Variants in SLC15A5 observed in about 807,000 individuals in gnomAD.
SLC15A5 encodes the protein solute carrier family 15 member 5, also known as Peptide/histidine transporter ENSP00000340402.
Under a neutral mutation model 56.1 loss-of-function variants are expected in SLC15A5, and 58 were observed. The ratio of observed to expected loss-of-function variants is 1.03; its 90% CI spans 0.84 to 1.29. The LOEUF (loss-of-function observed/expected upper bound fraction) is 1.29, where lower values mean the gene tolerates loss of function less well. SLC15A5 is among the 50% of genes most tolerant of loss of function. SLC15A5 has a pLI of 0.00. For synonymous variants in SLC15A5, 264 were observed against 250.5 expected, an observed-to-expected ratio of 1.05 and a Z score of -0.51; for missense variants, 681 against 672.1, an observed-to-expected ratio of 1.01 and a Z score of -0.15.
At chr12:16,232,957 G>A (rs1437585859) in intron 5 of SLC15A5, among the ~76,000 whole-genome samples, 1 of 135,200 alleles carries the variant, frequency 7.4e-6, no homozygotes, top group Admixed American at 7.5e-5. Flanking sequence ...AAGAAAGAAA[G>A]AAGGAAAGAA....
intron 1 of SLC15A5, among the ~76,000 whole-genome samples, chr12:16,276,751 A>C (rs1249203752): frequency 1.3e-5 from 2 of 152,016 alleles, no homozygotes; most frequent in Non-Finnish European, 2.9e-5. Flanking sequence ...AAACTTTTGC[A>C]GATATATATT....
intron 2 of SLC15A5, among the ~76,000 whole-genome samples, chr12:16,270,879 A>G (rs754512319): frequency 6.6e-6 from 1 of 152,174 alleles, no homozygotes; most frequent in Non-Finnish European, 1.5e-5. Flanking sequence ...TTTAGTATTT[A>G]AACTGGAAAA....
chr12:16,196,169 G>A lies in SLC15A5; in HGVS notation c.1484-1716C>T, dbSNP rs983700745. ...TAATACCAAAATAGGTATTATGATA[G>A]GTATAAATAAGTATTACTATACCTA... On this transcript the variant is annotated intron_variant, in intron 7 of 8. Coordinates refer to ENST00000344941, the MANE Select transcript of SLC15A5 (RefSeq NM_001170798.1). The surrounding 1 kb of genome is among the most constrained non-coding windows in gnomAD (Gnocchi z 4.0). Among the ~76,000 whole-genome samples, 2 of 151,894 alleles carry A rather than the reference G, an allele frequency of 1.3e-5. No homozygotes were observed. The highest frequency in any genetic ancestry group is 2.9e-5 in the Non-Finnish European group (2 of 67,966).
intron 7 of SLC15A5, among the ~76,000 whole-genome samples, chr12:16,212,486 A>G (rs987032166): frequency 6.8e-6 from 1 of 147,604 alleles, no homozygotes; most frequent in Admixed American, 6.9e-5. Context: ...CTGATGGCTA[A>G]AGGGATTGTC....
In SLC15A5 at chr12:16,189,743, G is replaced by C. The variant is rs1465837414; in HGVS notation, c.1665C>G (p.His555Gln). 5 of 1,529,778 alleles carry C rather than the reference G, an allele frequency of 3.3e-6. No homozygotes were observed. In the South Asian group the frequency reaches 6.1e-5, roughly 19 times the overall value. 94.8% of individuals were successfully genotyped at this position (1,529,778 alleles called of 1,614,324 possible). A position where few individuals can be genotyped will look rare whatever the true frequency, so the allele number is the denominator to read the frequency against. ...GSNLEETLLL[H>Q]EKSLKFYGSI... The stretch of plus-strand genomic sequence containing the variant: ...TGCCATAAAATTTCAGAGATTTTTC[G>C]TGGAGGAGAAGTGTTTCTTCAAGAT... The change falls in exon 9 of 9, where the codon CAC becomes CAG. Residue 555 changes from histidine (H) to glutamine (Q), a missense_variant. Transcript: ENST00000344941.
intron 5 of SLC15A5, among the ~76,000 whole-genome samples, chr12:16,225,427 T>C (rs1864231056): frequency 6.6e-6 from 1 of 152,150 alleles, no homozygotes; most frequent in Non-Finnish European, 1.5e-5. Context: ...CCAAAAGCAA[T>C]GGCAACAAAA....
chr12:16,253,787 C>T (rs766547879), intron 3 of SLC15A5, among the ~76,000 whole-genome samples: 3 of 152,004 alleles, frequency 2.0e-5, no homozygotes, highest in African/African-American at 4.8e-5. Context: ...ACTGCGTTGA[C>T]GAGGATGTGG....
chr12:16,250,056 A>G (rs1864504551), intron 3 of SLC15A5, among the ~76,000 whole-genome samples: 1 of 152,032 alleles, frequency 6.6e-6, no homozygotes, highest in Non-Finnish European at 1.5e-5. Flanking sequence ...TCAATGCTTC[A>G]CTGCCTCAGT....
At chr12:16,220,451 C>T (rs1864174777) in intron 6 of SLC15A5, among the ~76,000 whole-genome samples, 1 of 152,216 alleles carries the variant, frequency 6.6e-6, no homozygotes, top group Non-Finnish European at 1.5e-5. Flanking sequence ...GTCTGATCTC[C>T]AATCTACCTC....
chr12:16,217,115 G>T (rs1864137920), intron 6 of SLC15A5, 91 bp from the exon 7 acceptor site: 1 of 1,318,850 alleles, frequency 7.6e-7, no homozygotes, highest in Non-Finnish European at 1.0e-6. Flanking sequence ...ATGTATCAAA[G>T]AAAATTTACT....
chr12:16,252,777 A>G (rs1486771099), intron 3 of SLC15A5, among the ~76,000 whole-genome samples: 1 of 152,074 alleles, frequency 6.6e-6, no homozygotes, highest in Non-Finnish European at 1.5e-5. Context: ...TCTCAATAGC[A>G]TTTTTGCAGA....
In SLC15A5 at chr12:16,188,924, G is replaced by A. The variant is rs917454915; in HGVS notation, c.*744C>T. 2.2e-4 allele frequency: 33 copies of A among 152,182 alleles called. No homozygotes were observed. Among genetic ancestry groups the A allele is most frequent in the African/African-American group, 7.7e-4 (32 of 41,462 alleles). 9.4% of individuals were successfully genotyped at this position (152,182 alleles called of 1,614,324 possible). A position where few individuals can be genotyped will look rare whatever the true frequency, so the allele number is the denominator to read the frequency against. Reference sequence around the variant, plus strand: ...GAATTGGCAGTGGAGACCGAAAGATGTTATTCATATAATTCCTTTAAGCAT... The same window carrying A: ...GAATTGGCAGTGGAGACCGAAAGATATTATTCATATAATTCCTTTAAGCAT... On this transcript the variant is annotated 3_prime_UTR_variant, in exon 9 of 9. Transcript: ENST00000344941.
rs1479736348 is a variant in SLC15A5, at chr12:16,243,252, C to G, written c.975+1328G>C. Among the ~76,000 whole-genome samples, 3 of 150,598 alleles carry G rather than the reference C, an allele frequency of 2.0e-5. No homozygotes were observed. The highest frequency in any genetic ancestry group is 2.9e-5 in the Non-Finnish European group (2 of 67,842). On this transcript the variant is annotated intron_variant, in intron 4 of 8. Coordinates refer to ENST00000344941, the MANE Select transcript of SLC15A5 (RefSeq NM_001170798.1). This position sits in a 1 kb window ranked among gnomAD's most constrained non-coding sequence, Gnocchi z 4.4. Reference sequence around the variant, plus strand: ...TGAGATGGAGTTTCATTCTTGTTTCCCAGGCTGGAGTACAATGGCATGATC... The same window carrying G: ...TGAGATGGAGTTTCATTCTTGTTTCGCAGGCTGGAGTACAATGGCATGATC...
intron 7 of SLC15A5, among the ~76,000 whole-genome samples, chr12:16,206,108 G>A (rs1209022760): frequency 6.6e-6 from 1 of 152,142 alleles, no homozygotes; most frequent in Non-Finnish European, 1.5e-5. Context: ...AGATGTAACA[G>A]TCTGTCTCCA....
At chr12:16,232,366 C>T (rs901755473) in intron 5 of SLC15A5, among the ~76,000 whole-genome samples, 1 of 152,004 alleles carries the variant, frequency 6.6e-6, no homozygotes, top group Non-Finnish European at 1.5e-5. Context: ...TTGAGACTTA[C>T]TGAGTTATTT....
At chr12:16,192,723 C>T (rs75530585) in intron 8 of SLC15A5, among the ~76,000 whole-genome samples, 4,478 of 152,052 alleles carry the variant, frequency 0.029, 91 homozygotes, top group Non-Finnish European at 0.04. Flanking sequence ...TGCATGACTG[C>T]GGTCATCTTG....
chr12:16,200,418 G>T (rs1863943595), intron 7 of SLC15A5, among the ~76,000 whole-genome samples: 1 of 151,952 alleles, frequency 6.6e-6, no homozygotes, highest in East Asian at 1.9e-4. Flanking sequence ...TGGAAAAAAT[G>T]ATATATACGT....
At chr12:16,211,365 C>T (rs553429743) in intron 7 of SLC15A5, among the ~76,000 whole-genome samples, 202 of 152,264 alleles carry the variant, frequency 1.3e-3, no homozygotes, top group African/African-American at 4.7e-3. Context: ...TAGGAGATCT[C>T]ATTTTTAATT....
intron 3 of SLC15A5, among the ~76,000 whole-genome samples, chr12:16,253,170 A>G (rs1295960119): frequency 6.6e-6 from 1 of 152,052 alleles, no homozygotes; most frequent in Non-Finnish European, 1.5e-5. Context: ...AAACCATTAA[A>G]CTCCTACAGG....
Sources: allele counts gnomAD v4.1 joint callset (sites outside exome capture counted in the v4.1 genomes callset), GRCh38; gene constraint gnomAD v4.1.1; non-coding constraint Gnocchi (gnomAD v3.1); transcripts MANE v1.5; gene names NCBI Gene and HGNC (gene_info 2026-07-23, HGNC 2026-07-21).